The following RNF38 variants were observed in gnomAD, a reference collection of about 807,000 sequenced individuals.
The protein encoded by RNF38 is ring finger protein 38, also known as E3 ubiquitin-protein ligase RNF38.
In RNF38, 15 loss-of-function variants were observed where a neutral mutation model predicts 67.2. The observed-to-expected ratio is 0.22, with a 90% confidence interval of 0.15 to 0.34. The LOEUF (loss-of-function observed/expected upper bound fraction) is 0.34, where lower values mean the gene tolerates loss of function less well. Ranked by LOEUF, RNF38 falls within the 10% of genes least tolerant of loss-of-function variation. The pLI is 1.00. For synonymous variants in RNF38, 220 were observed against 218.8 expected (o/e 1.01, Z -0.05); for missense variants, 524 against 639.9 (o/e 0.82, Z 1.95).
At chr9:36,376,996 G>T (rs74758674) in intron 2 of RNF38, among the ~76,000 whole-genome samples, 9,925 of 150,934 alleles carry the variant, frequency 0.066, 408 homozygotes, top group Middle Eastern at 0.11. Context: ...AGAAATAGCA[G>T]ATTTACATGA....
intron 1 of RNF38, among the ~76,000 whole-genome samples, chr9:36,471,825 C>A (rs956247037): frequency 2.0e-5 from 3 of 152,106 alleles, no homozygotes; most frequent in African/African-American, 7.2e-5. Context: ...AAACATCTGG[C>A]CTCAAGTCAT....
chr9:36,400,844 G>A (rs111865949), upstream of RNF38: 4 of 930,878 alleles, frequency 4.3e-6, no homozygotes, highest in African/African-American at 4.3e-5. Context: ...CCAACCGACC[G>A]GGCCTCGGCC....
At chr9:36,403,144 A>G, upstream of RNF38, among the ~76,000 whole-genome samples, 1 of 152,162 alleles carries the variant, frequency 6.6e-6, no homozygotes, top group East Asian at 1.9e-4. Context: ...ATGCAAGTAA[A>G]CACCCAAAGA....
chr9:36,390,657 G>GATT, intron 1 of RNF38, 41 bp from the exon 2 acceptor site: 8 of 1,601,498 alleles, frequency 5.0e-6, no homozygotes, highest in Non-Finnish European at 6.8e-6. Context: ...ATGGCTAGCT[G>GATT]CACCAATGTG....
chr9:36,453,252 T>C (rs909293919), intron 1 of RNF38, among the ~76,000 whole-genome samples: 1 of 152,248 alleles, frequency 6.6e-6, no homozygotes. Flanking sequence ...CTTGCTCTGT[T>C]GCCCTGGCTG....
chr9:36,371,728 A>G lies in RNF38; in HGVS notation c.357-1796T>C, dbSNP rs564258102. On this transcript the variant is annotated intron_variant, in intron 3 of 11. Transcript: ENST00000259605. ...CAGCCTCCCAGAGTACTGGGATTAT[A>G]GGTGGGAGCCACTGCACCTGGCCTA... 6.3e-4 allele frequency among the ~76,000 whole-genome samples: 96 copies of G among 152,224 alleles called. 1 individual carries two copies. Among genetic ancestry groups the G allele is most frequent in the Admixed American group, 3.1e-3 (47 of 15,294 alleles).
chr9:36,414,542 C>T (rs113329887), intron 2 of RNF38, among the ~76,000 whole-genome samples: 15 of 152,010 alleles, frequency 9.9e-5, no homozygotes, highest in African/African-American at 2.9e-4. Flanking sequence ...AAAAATTAGC[C>T]GGGCGTGGTG....
intron 1 of RNF38, among the ~76,000 whole-genome samples, chr9:36,450,993 A>C (rs929753371): frequency 1.3e-5 from 2 of 152,210 alleles, no homozygotes; most frequent in Non-Finnish European, 2.9e-5. Context: ...GTAGTCTTGC[A>C]TTCCCCAATT....
intron 1 of RNF38, among the ~76,000 whole-genome samples, chr9:36,446,432 A>T (rs1839301593): frequency 6.6e-6 from 1 of 152,202 alleles, no homozygotes; most frequent in Non-Finnish European, 1.5e-5. Flanking sequence ...AATTTGGGAC[A>T]AGGGAATGGT....
chr9:36,483,960 T>G (rs1202668504), intron 1 of RNF38, among the ~76,000 whole-genome samples: 1 of 152,214 alleles, frequency 6.6e-6, no homozygotes, highest in East Asian at 1.9e-4. Context: ...CATCCAACCC[T>G]ATCATTCTTT....
At chr9:36,407,007 C>CAA (rs72056273) in intron 2 of RNF38, among the ~76,000 whole-genome samples, 21 of 151,694 alleles carry the variant, frequency 1.4e-4, no homozygotes, top group African/African-American at 5.1e-4. Context: ...ACCAAAAATA[C>CAA]AAAAAAAACC....
At chr9:36,392,886 C>T (rs1001778621) in intron 1 of RNF38, among the ~76,000 whole-genome samples, 2 of 152,046 alleles carry the variant, frequency 1.3e-5, no homozygotes, top group Admixed American at 1.3e-4. Context: ...ATTTAAAGGC[C>T]ATAAAACAGG....
chr9:36,425,155 A>G, intron 1 of RNF38, among the ~76,000 whole-genome samples: 1 of 152,262 alleles, frequency 6.6e-6, no homozygotes, highest in South Asian at 2.1e-4. Flanking sequence ...TTTTAAATGT[A>G]TACCAAATAT....
intron 3 of RNF38, chr9:36,372,733 C>G: frequency 2.2e-6 from 1 of 459,622 alleles, no homozygotes; most frequent in East Asian, 3.2e-5. Context: ...TGATGCTTTT[C>G]AAAGAACTCA....
chr9:36,456,046 A>G (rs1442108599), intron 1 of RNF38, among the ~76,000 whole-genome samples: 1 of 152,156 alleles, frequency 6.6e-6, no homozygotes, highest in Non-Finnish European at 1.5e-5. Context: ...TTCCACCTGG[A>G]TGAATTTTCT....
chr9:36,400,866 C>T, upstream of RNF38: 1 of 984,310 alleles, frequency 1.0e-6, no homozygotes, highest in Non-Finnish European at 1.2e-6. Context: ...CGTCCCGCAA[C>T]ACCGCACTAG....
At chr9:36,417,477 A>G (rs1422616727) in intron 2 of RNF38, among the ~76,000 whole-genome samples, 2 of 152,198 alleles carry the variant, frequency 1.3e-5, no homozygotes, top group Non-Finnish European at 2.9e-5. Flanking sequence ...ACCTAAAAGT[A>G]CCAATAATAA....
At chr9:36,487,390 C>T (rs1025680025) in exon 1 of RNF38, 3 of 982,780 alleles carry the variant, frequency 3.1e-6, no homozygotes, top group Non-Finnish European at 3.6e-6. Flanking sequence ...TGAGGCGGTC[C>T]GTGGCGGCGG....
At chr9:36,414,351 T>C (rs1325239836) in intron 2 of RNF38, among the ~76,000 whole-genome samples, 31 of 152,346 alleles carry the variant, frequency 2.0e-4, no homozygotes, top group Non-Finnish European at 1.5e-5. Flanking sequence ...GTGAGATTTA[T>C]GCTTTAAGGA....
Sources: allele counts gnomAD v4.1 joint callset (sites outside exome capture counted in the v4.1 genomes callset), GRCh38; gene constraint gnomAD v4.1.1; transcripts MANE v1.5; gene names NCBI Gene and HGNC (gene_info 2026-07-23, HGNC 2026-07-21).